OXR1: variants seen among roughly 807,000 people sequenced by gnomAD.
OXR1 encodes the protein oxidation resistance protein 1.
OXR1 carries 41 observed loss-of-function variants against 104.6 expected under a neutral mutation model. That is an observed-to-expected ratio of 0.39 (90% CI 0.31 to 0.51). The LOEUF (loss-of-function observed/expected upper bound fraction) is 0.51. OXR1 is among the 20% of genes least tolerant of loss of function. The pLI, the probability that OXR1 is intolerant of heterozygous loss-of-function variation, is 0.77. For missense variants in OXR1, 955 were observed against 1,031.9 expected (o/e 0.93, Z 1.02); for synonymous variants, 348 against 348.4 (o/e 1.00, Z 0.01).
chr8:106,407,360 C>A (rs570416178), intron 2 of OXR1, among the ~76,000 whole-genome samples: 1 of 152,238 alleles, frequency 6.6e-6, no homozygotes, highest in East Asian at 1.9e-4. Context: ...ATTCAGAATG[C>A]ATTTCTAATC....
At chr8:106,431,722 T>A (rs1172004450) in intron 2 of OXR1, among the ~76,000 whole-genome samples, 4 of 152,230 alleles carry the variant, frequency 2.6e-5, no homozygotes, top group Non-Finnish European at 5.9e-5. Flanking sequence ...AGTGTATTTG[T>A]TGAATAAATG....
chr8:106,394,178 CTAT>C (rs1241054548), intron 2 of OXR1, among the ~76,000 whole-genome samples: 2 of 151,852 alleles, frequency 1.3e-5, no homozygotes, highest in African/African-American at 4.8e-5. Context: ...ACATTTTCAG[CTAT>C]TGACACACAG....
intron 2 of OXR1, among the ~76,000 whole-genome samples, chr8:106,384,541 A>G (rs1180239024): frequency 6.6e-6 from 1 of 152,138 alleles, no homozygotes; most frequent in African/African-American, 2.4e-5. Context: ...TAAATTTGGC[A>G]GATGCTGAAA....
At chr8:106,682,939 TTA>T (rs1266911557) in intron 4 of OXR1, among the ~76,000 whole-genome samples, 2 of 152,194 alleles carry the variant, frequency 1.3e-5, no homozygotes, top group Non-Finnish European at 2.9e-5. Flanking sequence ...GACTTTTAAA[TTA>T]TGTTTTGTAT....
intron 1 of OXR1, among the ~76,000 whole-genome samples, chr8:106,353,394 TAAC>T (rs1815820615): frequency 7.0e-6 from 1 of 141,940 alleles, no homozygotes; most frequent in African/African-American, 2.5e-5. Flanking sequence ...AATAATAATT[TAAC>T]TATATAGACA....
chr8:106,699,239 T>G (rs946948262), intron 7 of OXR1, among the ~76,000 whole-genome samples: 1 of 152,236 alleles, frequency 6.6e-6, no homozygotes, highest in Admixed American at 6.5e-5. Flanking sequence ...CTATTGATTC[T>G]TCTGCTCCTT....
intron 1 of OXR1, among the ~76,000 whole-genome samples, chr8:106,329,204 C>A (rs530303223): frequency 2.7e-5 from 4 of 150,830 alleles, no homozygotes; most frequent in Non-Finnish European, 5.9e-5. Flanking sequence ...GTTAGCCAGG[C>A]TGATCTTAAA....
chr8:106,396,967 ATAT>A (rs1462338738), intron 2 of OXR1, among the ~76,000 whole-genome samples: 1 of 152,134 alleles, frequency 6.6e-6, no homozygotes, highest in East Asian at 1.9e-4. Context: ...ATTCCAAGAT[ATAT>A]TATTAAGTGC....
intron 2 of OXR1, among the ~76,000 whole-genome samples, chr8:106,458,565 T>C (rs1003586870): frequency 2.0e-5 from 3 of 152,036 alleles, no homozygotes; most frequent in South Asian, 4.2e-4. Flanking sequence ...AGTGGAGCCA[T>C]GAGAGTGGGG....
At chr8:106,585,606 G>A (rs1818571298) in intron 3 of OXR1, among the ~76,000 whole-genome samples, 1 of 152,094 alleles carries the variant, frequency 6.6e-6, no homozygotes, top group Non-Finnish European at 1.5e-5. Context: ...TGAATGTAGG[G>A]CATGAGTAAA....
At chr8:106,312,335 A>G (rs989346064) in intron 1 of OXR1, among the ~76,000 whole-genome samples, 5 of 152,234 alleles carry the variant, frequency 3.3e-5, no homozygotes, top group Non-Finnish European at 7.3e-5. Context: ...AGTCAAAAAT[A>G]GAGAGCAGTC....
intron 3 of OXR1, among the ~76,000 whole-genome samples, chr8:106,618,589 C>T (rs1483393552): frequency 6.6e-6 from 1 of 152,094 alleles, no homozygotes. Flanking sequence ...ATTTTTTATT[C>T]ATTCATAGGA....
chr8:106,544,150 T>A (rs2130351869), intron 3 of OXR1, among the ~76,000 whole-genome samples: 1 of 152,180 alleles, frequency 6.6e-6, no homozygotes, highest in Admixed American at 6.5e-5. Flanking sequence ...TCTGAATGTT[T>A]ATGTACCCAC....
At chr8:106,326,154 T>C (rs2130199653) in intron 1 of OXR1, among the ~76,000 whole-genome samples, 1 of 152,332 alleles carries the variant, frequency 6.6e-6, no homozygotes, top group East Asian at 1.9e-4. Flanking sequence ...TTTGACCACA[T>C]CGTCTGTCAA....
At chr8:106,367,114 G>A (rs1816500830) in intron 2 of OXR1, among the ~76,000 whole-genome samples, 1 of 148,726 alleles carries the variant, frequency 6.7e-6, no homozygotes, top group African/African-American at 2.5e-5. Flanking sequence ...CCAAGCTGGG[G>A]TGCAGTGGTG....
intron 1 of OXR1, among the ~76,000 whole-genome samples, chr8:106,286,374 T>G (rs980374366): frequency 2.1e-4 from 5 of 23,654 alleles, no homozygotes; most frequent in East Asian, 2.1e-3. Flanking sequence ...TAAGTTAGGG[T>G]TTTTTTTTTT....
At chr8:106,698,234 C>T (rs1830258228) in intron 7 of OXR1, among the ~76,000 whole-genome samples, 1 of 152,150 alleles carries the variant, frequency 6.6e-6, no homozygotes, top group South Asian at 2.1e-4. Flanking sequence ...TGTTTTCTGG[C>T]TTGTGTTTTT....
chr8:106,583,084 T>C (rs2130642950), intron 3 of OXR1, among the ~76,000 whole-genome samples: 1 of 152,316 alleles, frequency 6.6e-6, no homozygotes, highest in South Asian at 2.1e-4. Context: ...CTAAAATTAT[T>C]TGTGTCTAAA....
chr8:106,439,339 C>T (rs1297488870), intron 2 of OXR1, among the ~76,000 whole-genome samples: 2 of 151,920 alleles, frequency 1.3e-5, no homozygotes, highest in African/African-American at 4.8e-5. Flanking sequence ...GGAAGAGAGC[C>T]CTCGCCAAAA....
Sources: gnomAD v4.1 joint callset for allele counts (sites outside exome capture counted in the v4.1 genomes callset) on GRCh38, gnomAD v4.1.1 for gene constraint, MANE v1.5 for transcripts, NCBI Gene and HGNC (gene_info 2026-07-23, HGNC 2026-07-21) for gene names.